Variants in CRACDL observed in about 807,000 individuals in gnomAD.
CRACDL encodes CRACD like.
CRACDL carries 26 observed loss-of-function variants against 70.6 expected under a neutral mutation model. The observed-to-expected ratio is 0.37, with a 90% CI of 0.27 to 0.51. CRACDL has a LOEUF of 0.51. Among genes scored for constraint, CRACDL ranks in the 20% least tolerant of loss-of-function variants. CRACDL has a pLI of 0.94. For synonymous variants in CRACDL, 618 were observed against 615.2 expected (o/e 1.00, Z -0.07); for missense variants, 1,283 against 1,376.9 (o/e 0.93, Z 1.08).
intron 1 of CRACDL, among the ~76,000 whole-genome samples, chr2:98,872,289 A>T (rs901890812): frequency 1.3e-5 from 2 of 152,112 alleles, no homozygotes; most frequent in Non-Finnish European, 2.9e-5. Flanking sequence ...ACCCTGGAGG[A>T]GGAGGTTGCA....
At chr2:98,831,456 C>A (rs1705540067) in intron 5 of CRACDL, among the ~76,000 whole-genome samples, 1 of 152,146 alleles carries the variant, frequency 6.6e-6, no homozygotes, top group South Asian at 2.1e-4. Flanking sequence ...CTGTGAATGG[C>A]CCCTCGAGCA....
intron 7 of CRACDL, among the ~76,000 whole-genome samples, chr2:98,818,067 C>T (rs1412817031): frequency 1.3e-5 from 2 of 152,150 alleles, no homozygotes; most frequent in East Asian, 3.8e-4. Flanking sequence ...GCAGAAGCTG[C>T]TTTATGACCT....
rs750845880 is a variant in CRACDL at position 98,823,196 on chromosome 2, C to G, written c.1077G>C (p.Glu359Asp). 6.9e-7 allele frequency: 1 copy of G among 1,459,624 alleles called. No homozygotes were observed. 90.4% of individuals were successfully genotyped at this position (1,459,624 alleles called of 1,614,324 possible). ...TLRVEPPSPP[E>D]GPPNPGPDGG... is the part of the protein sequence containing the mutation. The stretch of plus-strand genomic sequence containing the variant: ...CGTCGGGACCGGGATTCGGGGGGCC[C>G]TCCGGCGGGGACGGGGGCTCCACGC... Residue 359 changes from glutamate (E) to aspartate (D), a missense_variant, in exon 7 of 10, where the codon GAG becomes GAC. Glu to Asp is a conservative substitution (Grantham distance 45). Around this residue, in one of 2 missense-constraint regions of CRACDL, gnomAD observed 921 missense variants for 881.9 expected, o/e 1.04. Transcript: ENST00000397899. This position sits in a 1 kb window ranked among gnomAD's most constrained non-coding sequence, Gnocchi z 4.0.
In CRACDL at chr2:98,928,210, A is replaced by T. The variant is rs534727893; in HGVS notation, c.-11+7728T>A. On this transcript the variant is annotated intron_variant, in intron 1 of 9. Transcript: ENST00000397899. Reference sequence around the variant, plus strand: ...AAATAAATAAATAAATAAAAATAAAAAAAAATAAGACAGCTCACAAAACAA... The same window carrying T: ...AAATAAATAAATAAATAAAAATAAATAAAAATAAGACAGCTCACAAAACAA... 3.4e-4 allele frequency among the ~76,000 whole-genome samples: 52 copies of T among 152,304 alleles called. 1 individual carries two copies. Among genetic ancestry groups the T allele is most frequent in the African/African-American group, 1.2e-3 (49 of 41,560 alleles).
intron 1 of CRACDL, among the ~76,000 whole-genome samples, chr2:98,934,836 T>A (rs1016016534): frequency 6.6e-6 from 1 of 152,196 alleles, no homozygotes; most frequent in African/African-American, 2.4e-5. Context: ...CTCACATTTT[T>A]AAATAAAGAC....
At chr2:98,840,024 C>G (rs889564593) in intron 2 of CRACDL, among the ~76,000 whole-genome samples, 3 of 152,044 alleles carry the variant, frequency 2.0e-5, no homozygotes, top group Admixed American at 6.6e-5. Context: ...CTGTTCTTAT[C>G]TTTATTCTTT....
chr2:98,913,524 G>A (rs1708594317), intron 1 of CRACDL, among the ~76,000 whole-genome samples: 2 of 152,130 alleles, frequency 1.3e-5, no homozygotes, highest in Non-Finnish European at 2.9e-5. Flanking sequence ...GAAGCACTGT[G>A]GTCAGACTGG....
chr2:98,929,172 T>C (rs571562565), intron 1 of CRACDL, among the ~76,000 whole-genome samples: 20 of 152,252 alleles, frequency 1.3e-4, no homozygotes, highest in African/African-American at 2.2e-4. Context: ...AGCAAGATCA[T>C]AGAAACTCCG....
At position 98,794,556 on chromosome 2, in the gene CRACDL, A is replaced by C; in HGVS notation, c.2865T>G (p.Ser955Arg). The C allele has an allele frequency of 6.2e-7, 1 of 1,613,986 alleles. No homozygotes were observed. The highest frequency in any genetic ancestry group is 1.1e-5 in the South Asian group (1 of 91,070). ...CCTATTTTATAATCTGGGGCATGTCACTCCAAGCTTGAGATTTCTTTCTGG... is the reference window on the plus strand; with the variant it reads ...CCTATTTTATAATCTGGGGCATGTCCCTCCAAGCTTGAGATTTCTTTCTGG... ...ELARKKSQAWSDMPQIIK is the reference protein window; with the variant it reads ...ELARKKSQAWRDMPQIIK The change falls in exon 10 of 10, where the codon AGT (serine) becomes AGG (arginine). Residue 955 changes from serine to arginine, a missense_variant. Physicochemically the swap from Ser to Arg is moderately radical, Grantham distance 110. Transcript: ENST00000397899.
chr2:98,839,349 G>C lies in CRACDL; in HGVS notation c.71-1062C>G, dbSNP rs1333801502. Reference sequence around the variant, plus strand: ...TTTTCTCACCTTCTAGTGTGGAAGTGTTCTCAACTTTATAATCGTAAAAAA... The same window carrying C: ...TTTTCTCACCTTCTAGTGTGGAAGTCTTCTCAACTTTATAATCGTAAAAAA... On this transcript the variant is annotated intron_variant, in intron 2 of 9. Coordinates refer to ENST00000397899, the MANE Select transcript of CRACDL (RefSeq NM_207362.3). Among the ~76,000 whole-genome samples, 6 of 152,226 alleles carry C rather than the reference G, an allele frequency of 3.9e-5. No homozygotes were observed. In the East Asian group the frequency reaches 7.7e-4, roughly 20 times the overall value.
chr2:98,833,425 GC>G (rs1442994032), intron 3 of CRACDL, among the ~76,000 whole-genome samples: 1 of 152,238 alleles, frequency 6.6e-6, no homozygotes, highest in Non-Finnish European at 1.5e-5. Flanking sequence ...TGTGCAGCAG[GC>G]TGAGGGCCTG....
chr2:98,799,028 G>C (rs1194356384), intron 7 of CRACDL, among the ~76,000 whole-genome samples: 1 of 152,080 alleles, frequency 6.6e-6, no homozygotes, highest in Non-Finnish European at 1.5e-5. Flanking sequence ...AGAACCCAAG[G>C]TTCCCCATGA....
chr2:98,922,263 G>A (rs1009635318), intron 1 of CRACDL, among the ~76,000 whole-genome samples: 2 of 151,292 alleles, frequency 1.3e-5, no homozygotes, highest in South Asian at 2.1e-4. Flanking sequence ...GTGAAGCCCC[G>A]TCTCTACTAA....
At position 98,821,978 on chromosome 2, in the gene CRACDL, C is replaced by T. The variant is rs955437607; in HGVS notation, c.2295G>A (p.Lys765=). 10 of 1,531,788 alleles carry T rather than the reference C, an allele frequency of 6.5e-6. No homozygotes were observed. The highest frequency in any genetic ancestry group is 6.4e-5 in the Admixed American group (3 of 46,602). The allele number at this position is 1,531,788 out of a possible 1,614,324, so 94.9% of individuals were successfully genotyped here. ...PLSSKPPLPR[K]PLLQSFTLPH... is the part of the protein sequence containing the mutation. ...GGAGCGTGAAGCTCTGCAGAAGCGGCTTCCGGGGCAGGGGCGGCTTGGAGC... is the reference window on the plus strand; with the variant it reads ...GGAGCGTGAAGCTCTGCAGAAGCGGTTTCCGGGGCAGGGGCGGCTTGGAGC... Residue 765 remains lysine (K), a synonymous_variant, in exon 7 of 10, where the codon AAG becomes AAA. Coordinates refer to ENST00000397899, the MANE Select transcript of CRACDL (RefSeq NM_207362.3).
chr2:98,885,354 G>C (rs377213925), intron 1 of CRACDL, among the ~76,000 whole-genome samples: 2 of 152,176 alleles, frequency 1.3e-5, no homozygotes, highest in African/African-American at 4.8e-5. Context: ...CTAAACCAAG[G>C]GGGAGGATGT....
At chr2:98,873,282 T>C (rs1707399368) in intron 1 of CRACDL, among the ~76,000 whole-genome samples, 1 of 152,244 alleles carries the variant, frequency 6.6e-6, no homozygotes, top group Non-Finnish European at 1.5e-5. Flanking sequence ...CTCCCTTGTT[T>C]GTCTCCACAT....
rs574762959 is a variant in CRACDL, at chr2:98,890,944, C to A, written c.-10-44134G>T. Reference sequence around the variant, plus strand: ...TGGTGGTGGGCACCTGTAATCCCAGCTACTTGGGAGGCTGAGGCAAGAGAA... The same window carrying A: ...TGGTGGTGGGCACCTGTAATCCCAGATACTTGGGAGGCTGAGGCAAGAGAA... On this transcript the variant is annotated intron_variant, in intron 1 of 9. Coordinates refer to ENST00000397899, the MANE Select transcript of CRACDL (RefSeq NM_207362.3). Among the ~76,000 whole-genome samples, 4 of 152,124 alleles carry A rather than the reference C, an allele frequency of 2.6e-5. No homozygotes were observed. The East Asian group carries it at 7.7e-4, about 29-fold the overall frequency.
chr2:98,850,267 C>A (rs538106671), intron 1 of CRACDL, among the ~76,000 whole-genome samples: 2 of 152,224 alleles, frequency 1.3e-5, no homozygotes, highest in African/African-American at 4.8e-5. Flanking sequence ...AATGTCTGTC[C>A]GGAGTCCGCA....
At chr2:98,835,813 T>A (rs1705753208) in intron 3 of CRACDL, among the ~76,000 whole-genome samples, 1 of 152,098 alleles carries the variant, frequency 6.6e-6, no homozygotes. Flanking sequence ...AATGATAGAA[T>A]TAGAAAAACC....
Sources: gnomAD v4.1 joint callset for allele counts (sites outside exome capture counted in the v4.1 genomes callset) on GRCh38, gnomAD v4.1.1 for gene constraint, gnomAD v4.1.1 regional missense constraint, Gnocchi (gnomAD v3.1) non-coding constraint, MANE v1.5 for transcripts, NCBI Gene and HGNC (gene_info 2026-07-23, HGNC 2026-07-21) for gene names.